The following NUP54 variants were observed in gnomAD, a reference collection of about 807,000 sequenced individuals.
The protein encoded by NUP54 is nucleoporin 54, also known as nucleoporin p54.
In NUP54, 27 loss-of-function variants were observed where a neutral mutation model predicts 66.4. The observed-to-expected ratio is 0.41, with a 90% CI of 0.30 to 0.56. The LOEUF (loss-of-function observed/expected upper bound fraction) is 0.56, where lower values mean the gene tolerates loss of function less well. Among genes scored for constraint, NUP54 ranks in the 20% least tolerant of loss-of-function variants. NUP54 has a pLI of 0.34. For missense variants in NUP54, 486 were observed against 596.3 expected, an observed-to-expected ratio of 0.82 and a Z score of 1.93; for synonymous variants, 206 against 210.7, an observed-to-expected ratio of 0.98 and a Z score of 0.19.
chr4:76,134,818 T>A (rs1277603369), intron 4 of NUP54, among the ~76,000 whole-genome samples: 1 of 152,128 alleles, frequency 6.6e-6, no homozygotes, highest in Non-Finnish European at 1.5e-5. Flanking sequence ...ATACATGGAA[T>A]TCTGATCTTT....
At chr4:76,118,224 A>G (rs760310513) in intron 9 of NUP54, 30 bp from the exon 10 acceptor site, 1 of 1,600,872 alleles carries the variant, frequency 6.2e-7, no homozygotes, top group Non-Finnish European at 8.5e-7. Context: ...CAATAACAAC[A>G]GAATCATCTC....
chr4:76,144,496 A>G (rs1052859501), intron 1 of NUP54, 23 bp from the exon 2 acceptor site: 2 of 1,547,188 alleles, frequency 1.3e-6, no homozygotes, highest in Non-Finnish European at 1.7e-6. Context: ...GAACAAAAAT[A>G]GAAAGGAAGA....
At chr4:76,133,016 C>CGT (rs1560685738) in intron 5 of NUP54, among the ~76,000 whole-genome samples, 1 of 149,950 alleles carries the variant, frequency 6.7e-6, no homozygotes, top group African/African-American at 2.5e-5. Context: ...GTTTAGCTTA[C>CGT]ATGTATGTGT....
chr4:76,128,321 TCAC>T (rs960846488), intron 8 of NUP54, among the ~76,000 whole-genome samples: 7 of 142,806 alleles, frequency 4.9e-5, no homozygotes, highest in African/African-American at 1.9e-4. Context: ...GGAGACAAAA[TCAC>T]CACCACCACC....
At chr4:76,124,232 T>A (rs1258976706) in intron 9 of NUP54, among the ~76,000 whole-genome samples, 2 of 152,222 alleles carry the variant, frequency 1.3e-5, no homozygotes, top group African/African-American at 4.8e-5. Flanking sequence ...GTTGTTATTA[T>A]TCTTTTAATT....
chr4:76,121,929 T>C (rs1730253490), intron 9 of NUP54, among the ~76,000 whole-genome samples: 1 of 152,182 alleles, frequency 6.6e-6, no homozygotes, highest in African/African-American at 2.4e-5. Context: ...CACTTAATCA[T>C]CTTCCCAATG....
In NUP54 at chr4:76,117,769, T is replaced by A; in HGVS notation, c.1290A>T (p.Arg430=). 1 of 1,613,426 alleles carries A rather than the reference T, an allele frequency of 6.2e-7. No individual in the cohort carries two copies. The highest frequency in any genetic ancestry group is 2.2e-5 in the East Asian group (1 of 44,858). The part of the protein sequence containing the change: ...ELNAPTQFKG[R]LNELMSQIRM... ...TGATTTGAGACATCAATTCATTTAG[T>A]CGGCCCTAAAAGTTAAGACTGAGTC... Residue 430 remains arginine, a synonymous_variant, in exon 11 of 12, where the codon CGA becomes CGT. Coordinates refer to ENST00000264883, the MANE Select transcript of NUP54 (RefSeq NM_017426.4).
chr4:76,140,247 T>G (rs1038344284), intron 3 of NUP54, among the ~76,000 whole-genome samples: 17 of 151,016 alleles, frequency 1.1e-4, no homozygotes, highest in Admixed American at 5.3e-4. Context: ...TGGAGGGAAG[T>G]TGAAGGAATT....
At chr4:76,144,695 CA>C (rs1358513080) in intron 1 of NUP54, among the ~76,000 whole-genome samples, 1 of 152,046 alleles carries the variant, frequency 6.6e-6, no homozygotes, top group African/African-American at 2.4e-5. Flanking sequence ...AGAAATATCA[CA>C]ATGTAATATA....
At position 76,147,650 on chromosome 4, in the gene NUP54, G is replaced by A; in HGVS notation, c.67+658C>T. 4 of 1,284,292 alleles carry A rather than the reference G, an allele frequency of 3.1e-6. No homozygotes were observed. In the South Asian group the frequency reaches 5.0e-5, roughly 16 times the overall value. 79.6% of individuals were successfully genotyped at this position (1,284,292 alleles called of 1,614,324 possible). On this transcript the variant is annotated intron_variant, in intron 1 of 11. Coordinates refer to ENST00000264883, the MANE Select transcript of NUP54 (RefSeq NM_017426.4). ...TCAAGCCCACCAAATCCTGATAGGC[G>A]TGTAGGCAAAGAAACAAAATTTTAA...
Position 76,136,311 on chromosome 4 carries a change from C to T in NUP54, c.397G>A (p.Glu133Lys). The change falls in exon 4 of 12, where the codon GAG becomes AAG. Residue 133 changes from glutamate to lysine, a missense_variant. Coordinates refer to ENST00000264883, the MANE Select transcript of NUP54 (RefSeq NM_017426.4). Reference protein sequence around the residue: ...ALSAPTLLGDERDAILAKWNQ... With the variant: ...ALSAPTLLGDKRDAILAKWNQ... ...CATTTTGCCAAAATAGCATCTCTCT[C>T]ATCTCCCAACAGCGTTGGAGCAGAA... 6.2e-7 allele frequency: 1 copy of T among 1,614,108 alleles called. No homozygotes were observed. Among genetic ancestry groups the T allele is most frequent in the Non-Finnish European group, 8.5e-7 (1 of 1,179,968 alleles).
In NUP54 at chr4:76,117,949, G is replaced by C. The variant is rs1730026070; in HGVS notation, c.1284+126C>G. On this transcript the variant is annotated intron_variant, in intron 10 of 11. Transcript: ENST00000264883. ...AAGAACCATGACTGAGTTTACTTTAGAAAGGAAGTTCTAATTGGAGATAAG... is the reference window on the plus strand; with the variant it reads ...AAGAACCATGACTGAGTTTACTTTACAAAGGAAGTTCTAATTGGAGATAAG... 5.5e-6 allele frequency: 6 copies of C among 1,091,052 alleles called. No individual in the cohort carries two copies. In the South Asian group the frequency reaches 7.4e-5, roughly 13 times the overall value. 67.6% of individuals were successfully genotyped at this position (1,091,052 alleles called of 1,614,324 possible).
Position 76,115,250 on chromosome 4 carries a change from C to A in NUP54, c.*116G>T. On this transcript the variant is annotated 3_prime_UTR_variant, in exon 12 of 12. Coordinates refer to ENST00000264883, the MANE Select transcript of NUP54 (RefSeq NM_017426.4). ...TTTGTCAGTAAACTTCTCAAAAAACCAATCCAAGAAAGAATTGTTTTCTTT... is the reference window on the plus strand; with the variant it reads ...TTTGTCAGTAAACTTCTCAAAAAACAAATCCAAGAAAGAATTGTTTTCTTT... 1 of 956,796 alleles carries A rather than the reference C, an allele frequency of 1.0e-6. No individual in the cohort carries two copies. Among genetic ancestry groups the A allele is most frequent in the Non-Finnish European group, 1.4e-6 (1 of 697,722 alleles). The allele number at this position is 956,796 out of a possible 1,614,324, so 59.3% of individuals were successfully genotyped here.
At position 76,134,291 on chromosome 4, in the gene NUP54, T is replaced by C; in HGVS notation, c.594A>G (p.Lys198=). The C allele has an allele frequency of 6.2e-7, 1 of 1,613,792 alleles. No homozygotes were observed. Among genetic ancestry groups the C allele is most frequent in the African/African-American group, 1.3e-5 (1 of 75,048 alleles). Residue 198 remains lysine, a synonymous_variant, in exon 5 of 12, where the codon AAA becomes AAG. Coordinates refer to ENST00000264883, the MANE Select transcript of NUP54 (RefSeq NM_017426.4). Reference sequence around the variant, plus strand: ...GTTGTTGGCTTCGAATCTCTGTTTCTTTTTTGTTGAAAACTAAAACCACTA... The same window carrying C: ...GTTGTTGGCTTCGAATCTCTGTTTCCTTTTTGTTGAAAACTAAAACCACTA... ...DGLVVLVFNK[K]ETEIRSQQQQ... is the part of the protein sequence containing the mutation.
In NUP54 at chr4:76,135,786, A is replaced by G. The variant is rs912171342; in HGVS notation, c.522+400T>C. Among the ~76,000 whole-genome samples, 5 of 152,310 alleles carry G rather than the reference A, an allele frequency of 3.3e-5. No homozygotes were observed. The South Asian group carries it at 8.3e-4, about 25-fold the overall frequency. On this transcript the variant is annotated intron_variant, in intron 4 of 11. Transcript: ENST00000264883. The stretch of plus-strand genomic sequence containing the variant: ...AATAAGAACACAGAAAATGGGCAAT[A>G]TTGTTTTAATAGCTTTGGGGTTATA...
chr4:76,131,390 G>T, intron 6 of NUP54, 106 bp from the exon 7 acceptor site: 1 of 591,034 alleles, frequency 1.7e-6, no homozygotes, highest in Non-Finnish European at 2.9e-6. Flanking sequence ...AAGCTATAAT[G>T]AAAAGTGACT....
chr4:76,134,129 C>A, intron 5 of NUP54, 46 bp downstream of exon 5: 9 of 1,397,596 alleles, frequency 6.4e-6, no homozygotes, highest in African/African-American at 1.4e-5. Flanking sequence ...CCCTTAGGAC[C>A]AGAAATAAAT....
intron 1 of NUP54, among the ~76,000 whole-genome samples, chr4:76,145,317 C>CAAA (rs58518890): frequency 7.9e-5 from 8 of 101,556 alleles, no homozygotes; most frequent in African/African-American, 1.7e-4. Context: ...GACTCCGTCT[C>CAAA]AAAAAAAAAA....
intron 3 of NUP54, among the ~76,000 whole-genome samples, chr4:76,142,746 C>A (rs1204700904): frequency 6.6e-6 from 1 of 152,134 alleles, no homozygotes; most frequent in Non-Finnish European, 1.5e-5. Flanking sequence ...TGGGAGCCAA[C>A]TTGAAAAGGC....
Sources: allele counts gnomAD v4.1 joint callset (sites outside exome capture counted in the v4.1 genomes callset), GRCh38; gene constraint gnomAD v4.1.1; transcripts MANE v1.5; gene names NCBI Gene and HGNC (gene_info 2026-07-23, HGNC 2026-07-21).